PGGT1B: variants seen among roughly 807,000 people sequenced by gnomAD.
The protein encoded by PGGT1B is protein geranylgeranyltransferase type I subunit beta.
Under a neutral mutation model 46.1 loss-of-function variants are expected in PGGT1B, and 30 were observed. That is an observed-to-expected ratio of 0.65 (90% CI 0.49 to 0.88). The LOEUF (loss-of-function observed/expected upper bound fraction) is 0.88. Among genes scored for constraint, PGGT1B ranks in the 40% least tolerant of loss-of-function variants. The pLI is 0.00. For synonymous variants in PGGT1B, 170 were observed against 160.0 expected, an observed-to-expected ratio of 1.06 and a Z score of -0.47; for missense variants, 376 against 455.9, an observed-to-expected ratio of 0.82 and a Z score of 1.60.
intron 7 of PGGT1B, among the ~76,000 whole-genome samples, chr5:115,220,734 A>G (rs1756564214): frequency 6.6e-6 from 1 of 152,008 alleles, no homozygotes; most frequent in Non-Finnish European, 1.5e-5. Context: ...TAATGATAAT[A>G]AGAAATTATG....
chr5:115,255,961 A>G (rs553790484), intron 1 of PGGT1B, among the ~76,000 whole-genome samples: 1 of 152,200 alleles, frequency 6.6e-6, no homozygotes, highest in Non-Finnish European at 1.5e-5. Context: ...CACCACCAAC[A>G]TAACATAGAG....
At chr5:115,250,193 A>G (rs982752604) in intron 2 of PGGT1B, among the ~76,000 whole-genome samples, 1 of 152,212 alleles carries the variant, frequency 6.6e-6, no homozygotes, top group African/African-American at 2.4e-5. Flanking sequence ...TCTAGATGTT[A>G]TAATTCCCTA....
intron 1 of PGGT1B, among the ~76,000 whole-genome samples, chr5:115,258,201 A>G (rs1374704791): frequency 6.6e-6 from 1 of 152,222 alleles, no homozygotes; most frequent in African/African-American, 2.4e-5. Context: ...GTTAAGTGCT[A>G]TTACATGAAT....
At position 115,209,494 on chromosome 5, in the gene PGGT1B, T is replaced by A. The variant is rs1309905372; in HGVS notation, c.*2908A>T. The stretch of plus-strand genomic sequence containing the variant: ...CAGAGCTGTCAGAAACCAGCTGCCT[T>A]CCTTCTACTTCCTCCCACAGATACT... On this transcript the variant is annotated 3_prime_UTR_variant, in exon 9 of 9. Transcript: ENST00000419445. 1.3e-5 allele frequency: 2 copies of A among 152,236 alleles called. No homozygotes were observed. Among genetic ancestry groups the A allele is most frequent in the African/African-American group, 4.8e-5 (2 of 41,552 alleles). 9.4% of individuals were successfully genotyped at this position (152,236 alleles called of 1,614,324 possible).
intron 2 of PGGT1B, among the ~76,000 whole-genome samples, chr5:115,247,706 C>T (rs1395059197): frequency 6.6e-6 from 1 of 151,994 alleles, no homozygotes; most frequent in Admixed American, 6.5e-5. Context: ...ACCTATTTTC[C>T]ACATTTCACA....
chr5:115,206,633 A>G lies in PGGT1B; in HGVS notation c.*5769T>C, dbSNP rs1357731571. 1 of 151,964 alleles carries G rather than the reference A, an allele frequency of 6.6e-6. No individual in the cohort carries two copies. Among genetic ancestry groups the G allele is most frequent in the Non-Finnish European group, 1.5e-5 (1 of 67,862 alleles). The allele number at this position is 151,964 out of a possible 1,614,324, so 9.4% of individuals were successfully genotyped here. A position where few individuals can be genotyped will look rare whatever the true frequency, so the allele number is the denominator to read the frequency against. On this transcript the variant is annotated 3_prime_UTR_variant, in exon 9 of 9. Transcript: ENST00000419445. ...AATATCCATACTTTAACAGTTGCATAGTATTGAGTTACATAAATGTATCAT... is the reference window on the plus strand; with the variant it reads ...AATATCCATACTTTAACAGTTGCATGGTATTGAGTTACATAAATGTATCAT...
rs1423132017 is a variant in PGGT1B, at chr5:115,204,246, T to C, written c.*8156A>G. The C allele has an allele frequency of 6.6e-6, 1 of 152,184 alleles. No homozygotes were observed. Among genetic ancestry groups the C allele is most frequent in the Non-Finnish European group, 1.5e-5 (1 of 68,026 alleles). 9.4% of individuals were successfully genotyped at this position (152,184 alleles called of 1,614,324 possible). ...AACTTTGAATGTGCATTGAAACCAC[T>C]TGGAGGGCTTGTTTAAAACACAAAT... On this transcript the variant is annotated 3_prime_UTR_variant, in exon 9 of 9. Transcript: ENST00000419445.
intron 1 of PGGT1B, among the ~76,000 whole-genome samples, chr5:115,255,828 C>G (rs78907999): frequency 1.5e-4 from 23 of 152,084 alleles, no homozygotes. Context: ...AATTTCAACA[C>G]TAGACAATCA....
chr5:115,210,079 A>AT lies in PGGT1B; in HGVS notation c.*2322dup, dbSNP rs1384062885. 6.6e-6 allele frequency: 1 copy of AT among 152,172 alleles called. No individual in the cohort carries two copies. The highest frequency in any genetic ancestry group is 1.5e-5 in the Non-Finnish European group (1 of 68,028). 9.4% of individuals were successfully genotyped at this position (152,172 alleles called of 1,614,324 possible). A position where few individuals can be genotyped will look rare whatever the true frequency, so the allele number is the denominator to read the frequency against. On this transcript the variant is annotated 3_prime_UTR_variant, in exon 9 of 9. Coordinates refer to ENST00000419445, the MANE Select transcript of PGGT1B (RefSeq NM_005023.4). ...AAAGATCTAATAACACATATATATT[A>AT]TAGATCAAATCTAAAAACACTGAAA...
At chr5:115,219,470 A>T (rs1332920562) in intron 7 of PGGT1B, among the ~76,000 whole-genome samples, 1 of 151,918 alleles carries the variant, frequency 6.6e-6, no homozygotes, top group Non-Finnish European at 1.5e-5. Flanking sequence ...AAGGCCCAAC[A>T]TTAAGGCCTG....
Position 115,211,210 on chromosome 5 carries a change from G to A in PGGT1B, c.*1192C>T, listed in dbSNP as rs1048977893. On this transcript the variant is annotated 3_prime_UTR_variant, in exon 9 of 9. Transcript: ENST00000419445. The stretch of plus-strand genomic sequence containing the variant: ...TTCTGAATGTCACTGAGCAAGTAAC[G>A]GATATGAGTTATTGATAAATTAATT... The A allele has an allele frequency of 6.6e-5, 10 of 151,986 alleles. No individual in the cohort carries two copies. In the South Asian group the frequency reaches 1.0e-3, roughly 16 times the overall value. 9.4% of individuals were successfully genotyped at this position (151,986 alleles called of 1,614,324 possible).
In PGGT1B at chr5:115,207,180, C is replaced by CATATATATATATATATAT. The variant is rs35653225; in HGVS notation, c.*5204_*5221dup. The CATATATATATATATATAT allele has an allele frequency of 0.027, 2,406 of 89,370 alleles. 178 individuals are homozygous for CATATATATATATATATAT. Among genetic ancestry groups the CATATATATATATATATAT allele is most frequent in the East Asian group, 0.037 (155 of 4,238 alleles). The allele number at this position is 89,370 out of a possible 1,614,324, so 5.5% of individuals were successfully genotyped here. On this transcript the variant is annotated 3_prime_UTR_variant, in exon 9 of 9. Transcript: ENST00000419445. Reference sequence around the variant, plus strand: ...ACTAGTTTAGGTTTGCATATACATACATATATATATATATATATATATATA... The same window carrying CATATATATATATATATAT: ...ACTAGTTTAGGTTTGCATATACATACATATATATATATATATATATATATATATATATATATATATATA...
intron 5 of PGGT1B, among the ~76,000 whole-genome samples, chr5:115,235,598 A>G (rs1310473652): frequency 6.6e-6 from 1 of 152,100 alleles, no homozygotes; most frequent in East Asian, 1.9e-4. Flanking sequence ...TTACTTCTGT[A>G]CTATTCATAC....
Position 115,212,562 on chromosome 5 carries a change from C to T in PGGT1B, c.974G>A (p.Gly325Glu). The T allele has an allele frequency of 6.2e-7, 1 of 1,610,156 alleles. No individual in the cohort carries two copies. Among genetic ancestry groups the T allele is most frequent in the Non-Finnish European group, 8.5e-7 (1 of 1,178,204 alleles). ...SHPDALHAYF[G>E]ICGLSLMEES... ...CTCCATTAGTGACAGGCCACAGATC[C>T]CAAAGTATGCATGCAAAGCATCTGA... Residue 325 changes from glycine (G) to glutamate (E), a missense_variant, in exon 9 of 9, where the codon GGG becomes GAG. Around this residue, in one of 2 missense-constraint regions of PGGT1B, gnomAD observed 222 missense variants for 313.6 expected, o/e 0.71. Coordinates refer to ENST00000419445, the MANE Select transcript of PGGT1B (RefSeq NM_005023.4).
Position 115,206,086 on chromosome 5 carries a change from T to A in PGGT1B, c.*6316A>T, listed in dbSNP as rs573318058. ...TACATTGTTGAATGAAAAAAAACCA[T>A]GGAATATTTAGTACCTCAGATCTTT... On this transcript the variant is annotated 3_prime_UTR_variant, in exon 9 of 9. Coordinates refer to ENST00000419445, the MANE Select transcript of PGGT1B (RefSeq NM_005023.4). 6.6e-6 allele frequency: 1 copy of A among 151,982 alleles called. No homozygotes were observed. Among genetic ancestry groups the A allele is most frequent in the South Asian group, 2.1e-4 (1 of 4,838 alleles). The allele number at this position is 151,982 out of a possible 1,614,324, so 9.4% of individuals were successfully genotyped here.
At chr5:115,253,293 A>G (rs370569751) in intron 1 of PGGT1B, 38 bp from the exon 2 acceptor site, 6 of 1,515,716 alleles carry the variant, frequency 4.0e-6, no homozygotes, top group South Asian at 2.5e-5. Context: ...CTTAACTATC[A>G]TACCACTTAA....
At chr5:115,215,900 C>T (rs75551236) in intron 8 of PGGT1B, among the ~76,000 whole-genome samples, 14 of 152,212 alleles carry the variant, frequency 9.2e-5, no homozygotes, top group East Asian at 1.9e-4. Flanking sequence ...GAAATTATTT[C>T]AAAACACACT....
At chr5:115,249,813 C>T (rs952681934) in intron 2 of PGGT1B, among the ~76,000 whole-genome samples, 2 of 152,108 alleles carry the variant, frequency 1.3e-5, no homozygotes, top group African/African-American at 4.8e-5. Context: ...ATATATAGAG[C>T]TCTACCTTAT....
At chr5:115,217,990 G>A (rs1756471828) in intron 7 of PGGT1B, among the ~76,000 whole-genome samples, 1 of 151,792 alleles carries the variant, frequency 6.6e-6, no homozygotes. Flanking sequence ...CAACCTATAG[G>A]CAAAGGCTGA....
Sources: allele counts gnomAD v4.1 joint callset (sites outside exome capture counted in the v4.1 genomes callset), GRCh38; gene constraint gnomAD v4.1.1; regional missense constraint gnomAD v4.1.1; transcripts MANE v1.5; gene names NCBI Gene and HGNC (gene_info 2026-07-23, HGNC 2026-07-21).